Variants in STK3 observed in about 807,000 individuals in gnomAD.
The protein encoded by STK3 is serine/threonine-protein kinase 3.
In STK3, 41 loss-of-function variants were observed where a neutral mutation model predicts 58.0. The observed-to-expected ratio is 0.71, with a 90% CI of 0.55 to 0.92. The LOEUF (loss-of-function observed/expected upper bound fraction) is 0.92. Among genes scored for constraint, STK3 ranks in the 40% least tolerant of loss-of-function variants. The pLI, the probability that STK3 is intolerant of heterozygous loss-of-function variation, is 0.00. For synonymous variants in STK3, 170 were observed against 191.0 expected, an observed-to-expected ratio of 0.89 and a Z score of 0.91; for missense variants, 479 against 602.7, an observed-to-expected ratio of 0.79 and a Z score of 2.15.
At chr8:98,850,685 G>T (rs1346097261) in intron 3 of STK3, among the ~76,000 whole-genome samples, 1 of 152,202 alleles carries the variant, frequency 6.6e-6, no homozygotes, top group Non-Finnish European at 1.5e-5. Flanking sequence ...GAACACCAGT[G>T]ATTTCAGTGT....
intron 1 of STK3, among the ~76,000 whole-genome samples, chr8:98,386,576 A>G (rs76430000): frequency 0.033 from 4,954 of 152,298 alleles, 354 homozygotes; most frequent in East Asian, 0.16. Flanking sequence ...CAGGATAACA[A>G]AAACTAATAG....
chr8:98,551,848 T>C (rs1811196825), intron 8 of STK3, among the ~76,000 whole-genome samples: 1 of 152,154 alleles, frequency 6.6e-6, no homozygotes, highest in Non-Finnish European at 1.5e-5. Context: ...GGTTGACACG[T>C]TCAATACATA....
downstream of STK3, among the ~76,000 whole-genome samples, chr8:98,451,260 T>C (rs1330083466): frequency 1.3e-5 from 2 of 152,110 alleles, no homozygotes; most frequent in African/African-American, 2.4e-5. Flanking sequence ...CTGGCATGCA[T>C]TGTGGGGAAA....
intron 10 of STK3, among the ~76,000 whole-genome samples, chr8:98,523,126 C>T (rs1260726415): frequency 6.6e-6 from 1 of 152,080 alleles, no homozygotes; most frequent in Non-Finnish European, 1.5e-5. Context: ...ATACTGCTTC[C>T]CATAGTGACT....
chr8:98,687,875 A>G (rs560468948), intron 6 of STK3, among the ~76,000 whole-genome samples: 50 of 152,322 alleles, frequency 3.3e-4, no homozygotes, highest in African/African-American at 1.2e-3. Flanking sequence ...TACAATCGAG[A>G]CTACAAAGCA....
Position 98,579,765 on chromosome 8 carries a change from G to A in STK3, c.847C>T (p.Pro283Ser), listed in dbSNP as rs759288461. 14 of 1,578,934 alleles carry A rather than the reference G, an allele frequency of 8.9e-6. 1 individual carries two copies. In the South Asian group the frequency reaches 1.7e-4, roughly 19 times the overall value. The change falls in exon 8 of 11, where the codon CCT (proline) becomes TCT (serine). Residue 283 changes from proline to serine, a missense_variant. Physicochemically the swap from Pro to Ser is moderately conservative, Grantham distance 74. Transcript: ENST00000419617. ...ATCAGGTCTCTTAATATTGATACAG[G>A]TTTGGCATTCTTGATAAAAGGATGC... ...LQHPFIKNAKPVSILRDLITE... is the reference protein window; with the variant it reads ...LQHPFIKNAKSVSILRDLITE...
At chr8:98,415,149 T>C (rs575314348) in intron 3 of STK3, among the ~76,000 whole-genome samples, 5 of 152,278 alleles carry the variant, frequency 3.3e-5, no homozygotes, top group African/African-American at 1.2e-4. Context: ...ACGTCTCCAC[T>C]TCTGGAGGAT....
chr8:98,520,850 C>T (rs1474702017), intron 10 of STK3, among the ~76,000 whole-genome samples: 1 of 152,044 alleles, frequency 6.6e-6, no homozygotes, highest in African/African-American at 2.4e-5. Context: ...GGTATCTTTG[C>T]TTTTAGTCCA....
intron 1 of STK3, among the ~76,000 whole-genome samples, chr8:98,892,146 C>A (rs1564086096): frequency 6.6e-6 from 1 of 152,166 alleles, no homozygotes. Flanking sequence ...TATTTCCATC[C>A]CAGTCAGAGA....
chr8:98,654,552 T>C (rs1821302550), intron 6 of STK3, among the ~76,000 whole-genome samples: 1 of 152,212 alleles, frequency 6.6e-6, no homozygotes, highest in Non-Finnish European at 1.5e-5. Context: ...TTGTCCCTGT[T>C]TGCAGATGAC....
chr8:98,882,361 A>G (rs1394216602), downstream of STK3: 3 of 151,904 alleles, frequency 2.0e-5, no homozygotes, highest in African/African-American at 7.3e-5. Context: ...AAAATAATCA[A>G]TATTTACATA....
At chr8:98,629,708 T>C (rs1253825221) in intron 6 of STK3, among the ~76,000 whole-genome samples, 2 of 152,198 alleles carry the variant, frequency 1.3e-5, no homozygotes, top group African/African-American at 4.8e-5. Flanking sequence ...AAATATAACA[T>C]ACAGAAACTG....
upstream of STK3, among the ~76,000 whole-genome samples, chr8:98,388,841 T>G (rs1275792108): frequency 6.6e-6 from 1 of 152,238 alleles, no homozygotes; most frequent in South Asian, 2.1e-4. Flanking sequence ...TTTGCCATTA[T>G]AATGAAAAAT....
chr8:98,811,458 T>C (rs1183052302), intron 1 of STK3, among the ~76,000 whole-genome samples: 2 of 151,760 alleles, frequency 1.3e-5, no homozygotes, highest in African/African-American at 4.8e-5. Context: ...AATTAAGTCC[T>C]ACTAATGATG....
chr8:98,681,408 A>T (rs1823637821), intron 6 of STK3, among the ~76,000 whole-genome samples: 1 of 152,144 alleles, frequency 6.6e-6, no homozygotes, highest in Non-Finnish European at 1.5e-5. Flanking sequence ...ATCATGAAGG[A>T]CCAATTTACA....
At chr8:98,514,179 G>A (rs1040770344) in intron 10 of STK3, among the ~76,000 whole-genome samples, 1 of 152,040 alleles carries the variant, frequency 6.6e-6, no homozygotes, top group East Asian at 1.9e-4. Flanking sequence ...AGGCCACTTA[G>A]GTGGTCTTCT....
At chr8:98,908,717 C>T (rs1283892634) in intron 1 of STK3, among the ~76,000 whole-genome samples, 1 of 151,524 alleles carries the variant, frequency 6.6e-6, no homozygotes, top group African/African-American at 2.4e-5. Flanking sequence ...GTGGCAGGCA[C>T]CTGTAATCCC....
At chr8:98,821,340 C>T (rs1007075359) in intron 1 of STK3, among the ~76,000 whole-genome samples, 1 of 152,100 alleles carries the variant, frequency 6.6e-6, no homozygotes, top group Non-Finnish European at 1.5e-5. Flanking sequence ...TCGCCCCCAA[C>T]CAAACCATCT....
At chr8:98,911,967 A>C (rs1240256418) in intron 1 of STK3, among the ~76,000 whole-genome samples, 1 of 152,238 alleles carries the variant, frequency 6.6e-6, no homozygotes, top group African/African-American at 2.4e-5. Flanking sequence ...AAAAACATTA[A>C]GAATTTGTCT....
Sources: gnomAD v4.1 joint callset for allele counts (sites outside exome capture counted in the v4.1 genomes callset) on GRCh38, gnomAD v4.1.1 for gene constraint, MANE v1.5 for transcripts, NCBI Gene and HGNC (gene_info 2026-07-23, HGNC 2026-07-21) for gene names.